KIRREL3: variants seen among roughly 807,000 people sequenced by gnomAD.
KIRREL3 encodes kin of IRRE-like protein 3.
Under a neutral mutation model 89.7 loss-of-function variants are expected in KIRREL3, and 36 were observed. The ratio of observed to expected loss-of-function variants is 0.40; its 90% CI spans 0.31 to 0.53. KIRREL3 has a LOEUF of 0.53. Among genes scored for constraint, KIRREL3 ranks in the 20% least tolerant of loss-of-function variants. The pLI, the probability that KIRREL3 is intolerant of heterozygous loss-of-function variation, is 0.49. For synonymous variants in KIRREL3, 445 were observed against 441.4 expected (o/e 1.01, Z -0.10); for missense variants, 864 against 1,056.6 (o/e 0.82, Z 2.53).
At position 126,568,953 on chromosome 11, in the gene KIRREL3, T is replaced by C. The variant is rs905612520; in HGVS notation, c.56-6041A>G. On this transcript the variant is annotated intron_variant, in intron 1 of 16. Coordinates refer to ENST00000525144, the MANE Select transcript of KIRREL3 (RefSeq NM_032531.4). This position sits in a 1 kb window ranked among gnomAD's most constrained non-coding sequence, Gnocchi z 4.6. ...GGTTAGCACGTAGCCAACAGTGACA[T>C]GGACTGGAAATGTGAGGCCAGTCAG... Among the ~76,000 whole-genome samples, 2 of 151,976 alleles carry C rather than the reference T, an allele frequency of 1.3e-5. No individual in the cohort carries two copies. Among genetic ancestry groups the C allele is most frequent in the African/African-American group, 4.8e-5 (2 of 41,372 alleles).
rs566671115 is a variant in KIRREL3 at position 126,583,667 on chromosome 11, A to G, written c.56-20755T>C. 4.6e-5 allele frequency among the ~76,000 whole-genome samples: 7 copies of G among 152,234 alleles called. No homozygotes were observed. The East Asian group carries it at 1.2e-3, about 25-fold the overall frequency. The stretch of plus-strand genomic sequence containing the variant: ...CTGTGAGCCTGCTTCCTTCTTTGTA[A>G]AATGCAAAGAATGATCCCATCTACC... On this transcript the variant is annotated intron_variant, in intron 1 of 16. Transcript: ENST00000525144.
rs565643123 is a variant in KIRREL3, at chr11:126,592,210, A to G, written c.56-29298T>C. ...CCGAACAGTTATTGTCGTAATCCTT[A>G]TAACAACACCATAACTTAATCCTTA... On this transcript the variant is annotated intron_variant, in intron 1 of 16. Coordinates refer to ENST00000525144, the MANE Select transcript of KIRREL3 (RefSeq NM_032531.4). Among the ~76,000 whole-genome samples the G allele has an allele frequency of 1.1e-4, 16 of 152,312 alleles. No individual in the cohort carries two copies. In the East Asian group the frequency reaches 2.7e-3, roughly 26 times the overall value.
At chr11:126,559,051 C>A (rs781652261) in intron 2 of KIRREL3, among the ~76,000 whole-genome samples, 1 of 152,014 alleles carries the variant, frequency 6.6e-6, no homozygotes, top group African/African-American at 2.4e-5. Context: ...GGAAGGAGAG[C>A]TGGTACAGAA....
rs190335595 is a variant in KIRREL3 at position 126,428,792 on chromosome 11, G to A, written c.1806+387C>T. Among the ~76,000 whole-genome samples the A allele has an allele frequency of 1.3e-4, 20 of 152,140 alleles. No individual in the cohort carries two copies. In the East Asian group the frequency reaches 2.5e-3, roughly 19 times the overall value. ...TTCCCAAGTAGCTGGGATTACAGGC[G>A]CCCGCCACCACGCCCAGCTAATTTT... On this transcript the variant is annotated intron_variant, in intron 15 of 16. Transcript: ENST00000525144. The surrounding 1 kb of genome is among the most constrained non-coding windows in gnomAD (Gnocchi z 6.4).
chr11:126,872,421 A>G lies in KIRREL3; in HGVS notation c.55+128034T>C, dbSNP rs570323473. On this transcript the variant is annotated intron_variant, in intron 1 of 16. Transcript: ENST00000525144. The surrounding 1 kb of genome is among the most constrained non-coding windows in gnomAD (Gnocchi z 4.2). ...GGCTTATGGGGTAGCCCTGCTCAGC[A>G]AGGAGCGGCTCCCCTGCTGCTGCTG... 1.7e-3 allele frequency among the ~76,000 whole-genome samples: 255 copies of G among 152,292 alleles called. 1 individual carries two copies. Among genetic ancestry groups the G allele is most frequent in the Non-Finnish European group, 2.7e-3 (187 of 68,016 alleles).
chr11:126,793,933 T>C (rs1026461334), intron 1 of KIRREL3, among the ~76,000 whole-genome samples: 4 of 152,184 alleles, frequency 2.6e-5, no homozygotes, highest in Non-Finnish European at 5.9e-5. Context: ...ATTGAAAATC[T>C]GAAAAGTTAT....
At chr11:126,465,082 G>T (rs1316205808) in intron 5 of KIRREL3, among the ~76,000 whole-genome samples, 2 of 152,072 alleles carry the variant, frequency 1.3e-5, no homozygotes, top group Non-Finnish European at 2.9e-5. Flanking sequence ...AGTGTGTGTG[G>T]GGGTGCACTT....
intron 1 of KIRREL3, among the ~76,000 whole-genome samples, chr11:126,580,977 G>A (rs1941517300): frequency 6.6e-6 from 1 of 151,888 alleles, no homozygotes; most frequent in African/African-American, 2.4e-5. Flanking sequence ...TGGTGAAGTA[G>A]GTGCTCATGT....
At chr11:126,838,202 T>C (rs1246247530) in intron 1 of KIRREL3, among the ~76,000 whole-genome samples, 1 of 152,204 alleles carries the variant, frequency 6.6e-6, no homozygotes, top group Admixed American at 6.5e-5. Context: ...CAGAAGCAAT[T>C]TGAACGACCC....
intron 1 of KIRREL3, among the ~76,000 whole-genome samples, chr11:126,585,260 C>T (rs1249706364): frequency 1.0e-4 from 10 of 95,456 alleles, no homozygotes; most frequent in South Asian, 3.9e-4. Context: ...GATAGAGTCT[C>T]TGTTAGCCAG....
At chr11:126,681,385 A>T (rs1260776312) in intron 1 of KIRREL3, among the ~76,000 whole-genome samples, 1 of 152,172 alleles carries the variant, frequency 6.6e-6, no homozygotes, top group East Asian at 1.9e-4. Context: ...TATTTATGTT[A>T]TTGCCTACAG....
Position 126,965,546 on chromosome 11 carries a change from C to A in KIRREL3, c.55+34909G>T, listed in dbSNP as rs926825997. 6.6e-6 allele frequency among the ~76,000 whole-genome samples: 1 copy of A among 152,182 alleles called. No individual in the cohort carries two copies. The highest frequency in any genetic ancestry group is 2.4e-5 in the African/African-American group (1 of 41,450). On this transcript the variant is annotated intron_variant, in intron 1 of 16. Transcript: ENST00000525144. This position sits in a 1 kb window ranked among gnomAD's most constrained non-coding sequence, Gnocchi z 4.4. ...CCCTATTGTGAAAGACTAACACGTG[C>A]GTCATTGCCATTTGAATTCACGGAT... is the stretch of plus-strand genomic sequence containing the variant.
rs900180419 is a variant in KIRREL3, at chr11:126,912,157, C to A, written c.55+88298G>T. Among the ~76,000 whole-genome samples the A allele has an allele frequency of 6.6e-6, 1 of 152,024 alleles. No homozygotes were observed. Among genetic ancestry groups the A allele is most frequent in the African/African-American group, 2.4e-5 (1 of 41,400 alleles). On this transcript the variant is annotated intron_variant, in intron 1 of 16. Coordinates refer to ENST00000525144, the MANE Select transcript of KIRREL3 (RefSeq NM_032531.4). The surrounding 1 kb of genome is among the most constrained non-coding windows in gnomAD (Gnocchi z 4.7). ...TGAATCAAGCCTCTGGCAAGGACAG[C>A]GCAGTGACCAACCCTCTTTTCAGAA...
chr11:126,456,057 T>TTTTTTTTTTTA (rs147218473), intron 7 of KIRREL3, among the ~76,000 whole-genome samples: 1 of 109,796 alleles, frequency 9.1e-6, no homozygotes, highest in Admixed American at 1.1e-4. Context: ...TTTTTTTTTT[T>TTTTTTTTTTTA]CCTGAGCCTT....
At position 126,707,965 on chromosome 11, in the gene KIRREL3, C is replaced by G. The variant is rs373638318; in HGVS notation, c.56-145053G>C. Among the ~76,000 whole-genome samples, 8 of 152,214 alleles carry G rather than the reference C, an allele frequency of 5.3e-5. 1 individual carries two copies. The highest frequency in any genetic ancestry group is 1.9e-4 in the African/African-American group (8 of 41,522). The stretch of plus-strand genomic sequence containing the variant: ...GCATTCATTCTCCTGCCTGTTCGCT[C>G]GCTTGCAGTATTACATGGGGTAGCG... On this transcript the variant is annotated intron_variant, in intron 1 of 16. Transcript: ENST00000525144.
chr11:126,563,032 C>T lies in KIRREL3; in HGVS notation c.56-120G>A. 1 of 593,604 alleles carries T rather than the reference C, an allele frequency of 1.7e-6. No individual in the cohort carries two copies. Among genetic ancestry groups the T allele is most frequent in the Non-Finnish European group, 2.9e-6 (1 of 340,666 alleles). 36.8% of individuals were successfully genotyped at this position (593,604 alleles called of 1,614,324 possible). ...TATAAACAGAGGTGCTTTTGTTTAGCCAACATTTATATGGAAATTGTTATG... is the reference window on the plus strand; with the variant it reads ...TATAAACAGAGGTGCTTTTGTTTAGTCAACATTTATATGGAAATTGTTATG... On this transcript the variant is annotated intron_variant, in intron 1 of 16. Transcript: ENST00000525144. This position sits in a 1 kb window ranked among gnomAD's most constrained non-coding sequence, Gnocchi z 6.8.
Position 126,991,247 on chromosome 11 carries a change from C to T in KIRREL3, c.55+9208G>A, listed in dbSNP as rs909974423. On this transcript the variant is annotated intron_variant, in intron 1 of 16. Coordinates refer to ENST00000525144, the MANE Select transcript of KIRREL3 (RefSeq NM_032531.4). This position sits in a 1 kb window ranked among gnomAD's most constrained non-coding sequence, Gnocchi z 5.8. The stretch of plus-strand genomic sequence containing the variant: ...CCACACTTCACTTAGTCAGGTTCTT[C>T]TTCTGCCTCCTGCCAGGGGCCCTCT... Among the ~76,000 whole-genome samples, 2 of 152,094 alleles carry T rather than the reference C, an allele frequency of 1.3e-5. No homozygotes were observed. The highest frequency in any genetic ancestry group is 2.9e-5 in the Non-Finnish European group (2 of 68,022).
chr11:126,649,566 A>G (rs543884502), intron 1 of KIRREL3, among the ~76,000 whole-genome samples: 1 of 152,360 alleles, frequency 6.6e-6, no homozygotes, highest in East Asian at 1.9e-4. Context: ...GGCAAATTGT[A>G]AAGCTGCAAA....
chr11:126,919,650 G>A (rs1247726459), intron 1 of KIRREL3, among the ~76,000 whole-genome samples: 1 of 152,228 alleles, frequency 6.6e-6, no homozygotes, highest in African/African-American at 2.4e-5. Flanking sequence ...GGTGACACCA[G>A]TTGTGCAGAA....
Sources: allele counts gnomAD v4.1 joint callset (sites outside exome capture counted in the v4.1 genomes callset), GRCh38; gene constraint gnomAD v4.1.1; non-coding constraint Gnocchi (gnomAD v3.1); transcripts MANE v1.5; gene names NCBI Gene and HGNC (gene_info 2026-07-23, HGNC 2026-07-21).